Variants in PCM1 observed in about 807,000 individuals in gnomAD.
PCM1 encodes the protein pericentriolar material 1.
Under a neutral mutation model 241.9 loss-of-function variants are expected in PCM1, and 157 were observed. The observed-to-expected ratio is 0.65, with a 90% confidence interval of 0.57 to 0.74. The LOEUF is 0.74. Ranked by LOEUF, PCM1 falls within the 30% of genes least tolerant of loss-of-function variation. PCM1 has a pLI of 0.00. For missense variants in PCM1, 3,478 were observed against 2,360.1 expected, an observed-to-expected ratio of 1.47 and a Z score of -9.81; for synonymous variants, 1,085 against 784.9, an observed-to-expected ratio of 1.38 and a Z score of -6.39.
chr8:17,970,751 A>G (rs907578140), intron 22 of PCM1, among the ~76,000 whole-genome samples: 3 of 152,210 alleles, frequency 2.0e-5, no homozygotes, highest in Non-Finnish European at 4.4e-5. Flanking sequence ...TATAATTGAT[A>G]GTAAAAAATT....
rs1210939043 is a variant in PCM1, at chr8:17,964,759, C to G, written c.2846C>G (p.Thr949Ser). 1.9e-6 allele frequency: 3 copies of G among 1,611,326 alleles called. No homozygotes were observed. The highest frequency in any genetic ancestry group is 8.5e-7 in the Non-Finnish European group (1 of 1,177,654). ...VNHNSYNGKE[T>S]KNRWKNNCPF... is the part of the protein sequence containing the mutation. ...CATAACTCCTACAATGGAAAGGAAA[C>G]TAAAAATAGGTTAGTTTCAGTATTT... Residue 949 changes from threonine to serine, a missense_variant, in exon 18 of 39, where the codon ACT becomes AGT. Transcript: ENST00000325083.
Position 17,923,102 on chromosome 8 carries a change from G to C in PCM1, c.-177G>C, listed in dbSNP as rs1191360091. On this transcript the variant is annotated 5_prime_UTR_variant, in exon 1 of 39. Transcript: ENST00000325083. Reference sequence around the variant, plus strand: ...GAAACGTGTGGGCCTCTCTGCTGCGGTCTCCGAGGGCCGACCGCTGCCGGC... The same window carrying C: ...GAAACGTGTGGGCCTCTCTGCTGCGCTCTCCGAGGGCCGACCGCTGCCGGC... 6.6e-6 allele frequency: 1 copy of C among 152,626 alleles called. No individual in the cohort carries two copies. The highest frequency in any genetic ancestry group is 1.5e-5 in the Non-Finnish European group (1 of 68,382). 9.5% of individuals were successfully genotyped at this position (152,626 alleles called of 1,614,324 possible).
chr8:18,012,219 G>C (rs780530285), intron 34 of PCM1, among the ~76,000 whole-genome samples: 1 of 152,068 alleles, frequency 6.6e-6, no homozygotes, highest in Non-Finnish European at 1.5e-5. Flanking sequence ...ATTTCACACC[G>C]GCCCTCTCCT....
chr8:17,929,637 A>T (rs1342603261), intron 2 of PCM1, among the ~76,000 whole-genome samples: 1 of 152,074 alleles, frequency 6.6e-6, no homozygotes, highest in Non-Finnish European at 1.5e-5. Flanking sequence ...TTTATCTTTT[A>T]ACTCTACTAT....
At chr8:17,976,258 C>T (rs570924681) in intron 23 of PCM1, among the ~76,000 whole-genome samples, 6 of 152,192 alleles carry the variant, frequency 3.9e-5, no homozygotes, top group Non-Finnish European at 8.8e-5. Context: ...TTTCTCTGTG[C>T]CCCTTGTCTC....
At chr8:17,985,664 C>T (rs1048739488) in intron 25 of PCM1, 45 bp downstream of exon 25, 1 of 1,397,566 alleles carries the variant, frequency 7.2e-7, no homozygotes, top group South Asian at 1.2e-5. Context: ...TTATCACCTT[C>T]TTCATGATTA....
In PCM1 at chr8:17,964,870, A is replaced by C. The variant is rs545456157; in HGVS notation, c.2855+102A>C. Reference sequence around the variant, plus strand: ...GTTCTCCAAGCCAACTGAATGTCCTACAACTCAATTCAATTTTTACACTAA... The same window carrying C: ...GTTCTCCAAGCCAACTGAATGTCCTCCAACTCAATTCAATTTTTACACTAA... On this transcript the variant is annotated intron_variant, in intron 18 of 38. Transcript: ENST00000325083. 1.7e-5 allele frequency: 14 copies of C among 818,292 alleles called. No homozygotes were observed. In the African/African-American group the frequency reaches 2.0e-4, roughly 12 times the overall value. The allele number at this position is 818,292 out of a possible 1,614,324, so 50.7% of individuals were successfully genotyped here. A position where few individuals can be genotyped will look rare whatever the true frequency, so the allele number is the denominator to read the frequency against.
chr8:17,967,448 A>G (rs1482051731), intron 21 of PCM1, among the ~76,000 whole-genome samples: 1 of 152,000 alleles, frequency 6.6e-6, no homozygotes, highest in African/African-American at 2.4e-5. Flanking sequence ...AGCTGGGATT[A>G]CAGGCATGTG....
intron 2 of PCM1, among the ~76,000 whole-genome samples, chr8:17,929,824 T>G (rs2129446749): frequency 6.6e-6 from 1 of 152,304 alleles, no homozygotes; most frequent in East Asian, 1.9e-4. Context: ...ATTTATAGAT[T>G]AGGCTCAGTA....
chr8:18,018,938 A>T (rs1190921605), intron 36 of PCM1, among the ~76,000 whole-genome samples: 1 of 106,716 alleles, frequency 9.4e-6, no homozygotes, highest in Non-Finnish European at 2.0e-5. Context: ...ATATATAACA[A>T]AGTTGGAGAT....
rs557989302 is a variant in PCM1, at chr8:17,958,215, A to C, written c.2040+440A>C. Among the ~76,000 whole-genome samples the C allele has an allele frequency of 8.1e-4, 124 of 152,280 alleles. 1 individual carries two copies. Among genetic ancestry groups the C allele is most frequent in the African/African-American group, 2.8e-3 (118 of 41,564 alleles). On this transcript the variant is annotated intron_variant, in intron 13 of 38. Coordinates refer to ENST00000325083, the MANE Select transcript of PCM1 (RefSeq NM_006197.4). ...AATGAGGTAGACATTAAATAGGTTA[A>C]AGAGATCTTAATTGCCGAAGTTTAT...
chr8:18,014,110 A>ACAC (rs71215293), intron 35 of PCM1, 74 bp downstream of exon 35: 9 of 777,002 alleles, frequency 1.2e-5, no homozygotes, highest in African/African-American at 5.4e-5. Context: ...AAAAAAAAAA[A>ACAC]ACACACACAG....
chr8:17,935,997 T>G (rs1298685240), intron 3 of PCM1, among the ~76,000 whole-genome samples: 3 of 152,144 alleles, frequency 2.0e-5, no homozygotes, highest in Admixed American at 6.5e-5. Context: ...AATTGGGAAA[T>G]TATCAAGAAT....
intron 15 of PCM1, 51 bp from the exon 16 acceptor site, chr8:17,961,983 T>G: frequency 6.5e-7 from 1 of 1,529,724 alleles, no homozygotes; most frequent in Non-Finnish European, 8.9e-7. Flanking sequence ...TTTATGAAAT[T>G]AATATAATTG....
intron 30 of PCM1, among the ~76,000 whole-genome samples, chr8:18,008,722 A>G (rs372430363): frequency 7.2e-5 from 11 of 152,284 alleles, no homozygotes; most frequent in African/African-American, 2.2e-4. Flanking sequence ...CTGCCCCCTG[A>G]TCTGACTTAG....
At chr8:17,983,254 A>C (rs2081534464) in intron 24 of PCM1, 1 of 1,324,470 alleles carries the variant, frequency 7.6e-7, no homozygotes, top group African/African-American at 1.5e-5. Context: ...AGAATACTAC[A>C]GCAGTCTAAC....
intron 29 of PCM1, among the ~76,000 whole-genome samples, chr8:17,998,980 A>C (rs2088072134): frequency 6.6e-6 from 1 of 151,970 alleles, no homozygotes; most frequent in Non-Finnish European, 1.5e-5. Context: ...TATTCATTTA[A>C]AGCCCAAGGG....
chr8:17,939,213 C>T (rs1172316902), intron 5 of PCM1, among the ~76,000 whole-genome samples: 1 of 152,108 alleles, frequency 6.6e-6, no homozygotes. Context: ...ATGGCATATT[C>T]AGGTTAGTTA....
intron 7 of PCM1, among the ~76,000 whole-genome samples, chr8:17,949,832 C>G (rs6996638): frequency 0.037 from 5,574 of 152,158 alleles, 159 homozygotes; most frequent in African/African-American, 0.072. Context: ...AGTTAGAAGT[C>G]AGGTTAAGGA....
Sources: gnomAD v4.1 joint callset for allele counts (sites outside exome capture counted in the v4.1 genomes callset) on GRCh38, gnomAD v4.1.1 for gene constraint, MANE v1.5 for transcripts, NCBI Gene and HGNC (gene_info 2026-07-23, HGNC 2026-07-21) for gene names.